Variants in ARHGAP10 observed in about 807,000 individuals in gnomAD.
ARHGAP10 encodes the protein rho GTPase-activating protein 10.
ARHGAP10 carries 87 observed loss-of-function variants against 108.6 expected under a neutral mutation model. The ratio of observed to expected loss-of-function variants is 0.80; its 90% CI spans 0.67 to 0.96. The LOEUF is 0.96. ARHGAP10 is among the 40% of genes least tolerant of loss of function. The pLI is 0.00. For missense variants in ARHGAP10, 939 were observed against 954.5 expected, an observed-to-expected ratio of 0.98 and a Z score of 0.21; for synonymous variants, 347 against 341.1, an observed-to-expected ratio of 1.02 and a Z score of -0.19.
intron 1 of ARHGAP10, among the ~76,000 whole-genome samples, chr4:147,783,973 C>G (rs1340190535): frequency 7.4e-6 from 1 of 134,884 alleles, no homozygotes; most frequent in East Asian, 2.7e-4. Flanking sequence ...ATTTATATAA[C>G]ACACATTATT....
intron 20 of ARHGAP10, among the ~76,000 whole-genome samples, chr4:148,049,434 C>T (rs1729026676): frequency 6.6e-6 from 1 of 152,228 alleles, no homozygotes; most frequent in South Asian, 2.1e-4. Context: ...AAAACACACT[C>T]TTCTAGGGTC....
At chr4:147,751,741 C>T (rs754601717) in intron 1 of ARHGAP10, among the ~76,000 whole-genome samples, 5 of 152,068 alleles carry the variant, frequency 3.3e-5, no homozygotes, top group Non-Finnish European at 7.4e-5. Flanking sequence ...GCATTTCTCA[C>T]AGCAGTCCTC....
chr4:147,772,658 G>C (rs531741762), intron 1 of ARHGAP10, among the ~76,000 whole-genome samples: 6 of 152,350 alleles, frequency 3.9e-5, no homozygotes, highest in African/African-American at 1.4e-4. Context: ...TAAAATCCTA[G>C]GGTATAAACG....
At chr4:147,737,813 T>C (rs1180524489) in intron 1 of ARHGAP10, among the ~76,000 whole-genome samples, 1 of 152,190 alleles carries the variant, frequency 6.6e-6, no homozygotes, top group Admixed American at 6.5e-5. Flanking sequence ...CTTTACTCAC[T>C]GCAGGTGGTC....
At chr4:147,884,386 A>C (rs1419051119) in intron 10 of ARHGAP10, among the ~76,000 whole-genome samples, 1 of 152,180 alleles carries the variant, frequency 6.6e-6, no homozygotes, top group South Asian at 2.1e-4. Flanking sequence ...GATCTATTCT[A>C]GTGGTTTTCA....
At chr4:147,850,291 G>C (rs1181429712) in intron 4 of ARHGAP10, among the ~76,000 whole-genome samples, 1 of 152,226 alleles carries the variant, frequency 6.6e-6, no homozygotes, top group African/African-American at 2.4e-5. Context: ...CCAAGTAAGG[G>C]AATAAAAGCT....
intron 10 of ARHGAP10, among the ~76,000 whole-genome samples, chr4:147,892,015 T>A (rs1337902216): frequency 6.6e-6 from 1 of 152,194 alleles, no homozygotes; most frequent in Non-Finnish European, 1.5e-5. Flanking sequence ...CTCCCACACA[T>A]CACATTCAGG....
chr4:147,742,649 A>G (rs997558385), intron 1 of ARHGAP10, among the ~76,000 whole-genome samples: 2 of 151,158 alleles, frequency 1.3e-5, no homozygotes, highest in Non-Finnish European at 3.0e-5. Flanking sequence ...ACGCCTGGCT[A>G]ATTTTTTTGT....
intron 14 of ARHGAP10, 62 bp downstream of exon 14, chr4:147,939,961 C>T (rs1322506204): frequency 1.5e-6 from 2 of 1,374,830 alleles, no homozygotes; most frequent in Non-Finnish European, 2.1e-6. Context: ...GACTTCACAG[C>T]TTAATATTTC....
At chr4:147,886,069 TATA>T (rs1166709658) in intron 10 of ARHGAP10, among the ~76,000 whole-genome samples, 1 of 152,188 alleles carries the variant, frequency 6.6e-6, no homozygotes, top group Non-Finnish European at 1.5e-5. Context: ...AGGCTACAGG[TATA>T]AGGGGTATAT....
At chr4:147,853,601 G>A (rs1053591909) in intron 4 of ARHGAP10, among the ~76,000 whole-genome samples, 1 of 152,148 alleles carries the variant, frequency 6.6e-6, no homozygotes, top group African/African-American at 2.4e-5. Flanking sequence ...CCATTTTTCA[G>A]TGGAAGCATT....
At chr4:148,038,989 T>C (rs1233971470) in intron 19 of ARHGAP10, among the ~76,000 whole-genome samples, 1 of 152,170 alleles carries the variant, frequency 6.6e-6, no homozygotes, top group African/African-American at 2.4e-5. Flanking sequence ...TATATTTCTC[T>C]CCCCACTTCC....
chr4:147,893,115 G>T (rs1263434953), intron 10 of ARHGAP10, among the ~76,000 whole-genome samples: 1 of 152,052 alleles, frequency 6.6e-6, no homozygotes, highest in Non-Finnish European at 1.5e-5. Flanking sequence ...CTGGAGCGCA[G>T]TGGCGTGATC....
Position 148,023,327 on chromosome 4 carries a change from A to G in ARHGAP10, c.1781A>G (p.Asn594Ser). The G allele has an allele frequency of 1.9e-6, 3 of 1,614,142 alleles. No individual in the cohort carries two copies. The highest frequency in any genetic ancestry group is 2.5e-6 in the Non-Finnish European group (3 of 1,179,996). Reference sequence around the variant, plus strand: ...ACCTGCCTGTCAGCATCACCCCCAAATGCGCCACCAAGGCAGTCGAAGAGA... The same window carrying G: ...ACCTGCCTGTCAGCATCACCCCCAAGTGCGCCACCAAGGCAGTCGAAGAGA... ...EPTCLSASPP[N>S]APPRQSKRQG... The change falls in exon 19 of 23, where the codon AAT (asparagine) becomes AGT (serine). Residue 594 changes from asparagine to serine, a missense_variant. Coordinates refer to ENST00000336498, the MANE Select transcript of ARHGAP10 (RefSeq NM_024605.4).
intron 1 of ARHGAP10, among the ~76,000 whole-genome samples, chr4:147,783,484 G>A (rs28562228): frequency 4.4e-5 from 6 of 135,952 alleles, no homozygotes; most frequent in African/African-American, 8.0e-5. Context: ...AATTTATATA[G>A]CACACATTAA....
intron 20 of ARHGAP10, among the ~76,000 whole-genome samples, chr4:148,047,770 T>G (rs1399084775): frequency 1.3e-5 from 2 of 152,210 alleles, no homozygotes; most frequent in African/African-American, 4.8e-5. Flanking sequence ...AATACTTGAT[T>G]AGTCAATCAA....
intron 13 of ARHGAP10, among the ~76,000 whole-genome samples, chr4:147,915,039 T>G (rs1736913246): frequency 6.6e-6 from 1 of 152,198 alleles, no homozygotes; most frequent in South Asian, 2.1e-4. Flanking sequence ...TGTATTCCAG[T>G]CCGACTTTGG....
At chr4:147,931,560 C>G (rs1349157538) in intron 13 of ARHGAP10, among the ~76,000 whole-genome samples, 1 of 152,094 alleles carries the variant, frequency 6.6e-6, no homozygotes, top group Non-Finnish European at 1.5e-5. Flanking sequence ...CTGTGCCCAC[C>G]TATTCTATAC....
At chr4:148,015,732 C>T (rs1308394986) in intron 18 of ARHGAP10, among the ~76,000 whole-genome samples, 1 of 152,190 alleles carries the variant, frequency 6.6e-6, no homozygotes, top group Non-Finnish European at 1.5e-5. Context: ...CAAACAACCC[C>T]AAGGTGATCA....
Sources: allele counts gnomAD v4.1 joint callset (sites outside exome capture counted in the v4.1 genomes callset), GRCh38; gene constraint gnomAD v4.1.1; transcripts MANE v1.5; gene names NCBI Gene and HGNC (gene_info 2026-07-23, HGNC 2026-07-21).